Variants in MIA2 observed in about 807,000 individuals in gnomAD.
MIA2 encodes the protein MIA SH3 domain ER export factor 2, also known as melanoma inhibitory activity protein 2.
MIA2 carries 127 observed loss-of-function variants against 167.8 expected under a neutral mutation model. That is an observed-to-expected ratio of 0.76 (90% CI 0.66 to 0.88). The LOEUF is 0.88. Among genes scored for constraint, MIA2 ranks in the 40% least tolerant of loss-of-function variants. The pLI is 0.00. For missense variants in MIA2, 1,690 were observed against 1,624.7 expected, an observed-to-expected ratio of 1.04 and a Z score of -0.69; for synonymous variants, 552 against 541.9, an observed-to-expected ratio of 1.02 and a Z score of -0.26.
chr14:39,365,046 CT>C (rs539298199), intron 23 of MIA2, among the ~76,000 whole-genome samples: 135 of 150,914 alleles, frequency 8.9e-4, no homozygotes, highest in African/African-American at 3.2e-3. Context: ...TTTTCTTTTT[CT>C]TTTTTTTAAA....
exon 24 of MIA2, chr14:39,387,644 C>A (rs917109702): frequency 6.6e-6 from 1 of 152,124 alleles, no homozygotes; most frequent in Admixed American, 6.5e-5. Context: ...CCGCAGAGTT[C>A]GAGAGGATTG....
At chr14:39,281,254 T>G (rs964581957) in intron 9 of MIA2, among the ~76,000 whole-genome samples, 2 of 152,158 alleles carry the variant, frequency 1.3e-5, no homozygotes, top group Admixed American at 6.5e-5. Flanking sequence ...CTCTTGATTG[T>G]TACTTTTCCA....
At chr14:39,358,021 A>G (rs184308802) in intron 23 of MIA2, among the ~76,000 whole-genome samples, 4 of 152,180 alleles carry the variant, frequency 2.6e-5, no homozygotes, top group East Asian at 3.9e-4. Context: ...GAATCTGACA[A>G]TTATGTGTCT....
intron 24 of MIA2, among the ~76,000 whole-genome samples, chr14:39,326,337 T>C (rs2067544798): frequency 6.6e-6 from 1 of 152,208 alleles, no homozygotes; most frequent in Non-Finnish European, 1.5e-5. Flanking sequence ...TATTTATCTT[T>C]TTTATCTTCT....
downstream of MIA2, among the ~76,000 whole-genome samples, chr14:39,352,401 A>C (rs758966618): frequency 6.6e-6 from 1 of 151,470 alleles, no homozygotes; most frequent in African/African-American, 2.4e-5. Flanking sequence ...GTTGGAGTTC[A>C]CTCTCAAGTA....
Position 39,347,749 on chromosome 14 carries a change from A to T in MIA2, c.3815A>T (p.Asn1272Ile). ...SMPSEMESSR[N>I]DTKDDLGNLN... ...CCTTCAGAAATGGAATCCAGTAGAA[A>T]TGATACCAAAGATGATCTTGGTGTA... Residue 1272 changes from asparagine (N) to isoleucine (I), a missense_variant, in exon 27 of 29, where the codon AAT becomes ATT. By Grantham distance (149) the Asn-to-Ile change is moderately radical (BLOSUM62 -3). Coordinates refer to ENST00000640607, the MANE Select transcript of MIA2 (RefSeq NM_001329214.4). 1 of 1,612,716 alleles carries T rather than the reference A, an allele frequency of 6.2e-7. No homozygotes were observed. The highest frequency in any genetic ancestry group is 1.8e-4 in the Middle Eastern group (1 of 5,710).
chr14:39,328,509 C>T (rs906722351), intron 25 of MIA2, among the ~76,000 whole-genome samples: 1 of 152,110 alleles, frequency 6.6e-6, no homozygotes, highest in Non-Finnish European at 1.5e-5. Context: ...GTTGCCATTG[C>T]TTTTGTTGTT....
intron 23 of MIA2, among the ~76,000 whole-genome samples, chr14:39,359,019 A>T (rs1423575961): frequency 6.6e-6 from 1 of 152,202 alleles, no homozygotes; most frequent in Non-Finnish European, 1.5e-5. Flanking sequence ...TTGAGGAGGC[A>T]GTCTGTCTGT....
At chr14:39,288,728 T>A (rs1200935486) in intron 9 of MIA2, among the ~76,000 whole-genome samples, 1 of 151,772 alleles carries the variant, frequency 6.6e-6, no homozygotes. Flanking sequence ...CCCAAAGTGC[T>A]GGGATTACAT....
At chr14:39,266,406 C>G (rs547611437) in intron 6 of MIA2, 3 of 985,270 alleles carry the variant, frequency 3.0e-6, no homozygotes, top group Admixed American at 1.2e-4. Context: ...CTCCTCTTCT[C>G]GGAGGAAAAC....
chr14:39,280,942 AGC>A (rs2058832116), intron 9 of MIA2, among the ~76,000 whole-genome samples: 2 of 55,920 alleles, frequency 3.6e-5, no homozygotes, highest in Non-Finnish European at 2.7e-5. Flanking sequence ...TTTTTGAGAC[AGC>A]GTCTCTCTCT....
chr14:39,235,729 CATT>C (rs1426451971), intron 1 of MIA2, among the ~76,000 whole-genome samples: 1 of 151,922 alleles, frequency 6.6e-6, no homozygotes, highest in African/African-American at 2.4e-5. Flanking sequence ...AGTCAGCTAT[CATT>C]ATGCCACTGC....
At chr14:39,257,409 C>T (rs1015645905) in intron 6 of MIA2, among the ~76,000 whole-genome samples, 2 of 151,480 alleles carry the variant, frequency 1.3e-5, no homozygotes, top group African/African-American at 4.9e-5. Flanking sequence ...TTGCAACCCT[C>T]CTTTTTTTTT....
chr14:39,335,163 A>G (rs2070060216), intron 25 of MIA2, among the ~76,000 whole-genome samples: 1 of 152,180 alleles, frequency 6.6e-6, no homozygotes, highest in African/African-American at 2.4e-5. Flanking sequence ...TCTTTTATGT[A>G]AGGTTGACTT....
chr14:39,294,789 C>G, intron 12 of MIA2, 136 bp from the exon 13 acceptor site: 2 of 666,568 alleles, frequency 3.0e-6, no homozygotes, highest in South Asian at 3.7e-5. Flanking sequence ...CTTTTTTCTG[C>G]TACACCATGC....
intron 23 of MIA2, among the ~76,000 whole-genome samples, chr14:39,383,978 A>G (rs1017106577): frequency 6.6e-6 from 1 of 152,230 alleles, no homozygotes; most frequent in East Asian, 1.9e-4. Flanking sequence ...AGCTGCAGCA[A>G]GTTATCCAGA....
chr14:39,304,382 G>A lies in MIA2; in HGVS notation c.2878+1G>A, dbSNP rs1203291000. 2.6e-6 allele frequency: 4 copies of A among 1,532,088 alleles called. No homozygotes were observed. Among genetic ancestry groups the A allele is most frequent in the South Asian group, 1.3e-5 (1 of 79,384 alleles). The allele number at this position is 1,532,088 out of a possible 1,614,324, so 94.9% of individuals were successfully genotyped here. A position where few individuals can be genotyped will look rare whatever the true frequency, so the allele number is the denominator to read the frequency against. On this transcript the variant is annotated splice_donor_variant, in intron 17 of 28. Coordinates refer to ENST00000640607, the MANE Select transcript of MIA2 (RefSeq NM_001329214.4). LOFTEE classifies it high-confidence loss of function. ...GATAAAACAAAGGAAGAGCTTACAG[G>A]TAGGTCATTGACATACATACTTTTA...
chr14:39,310,798 A>G (rs2064109352), intron 18 of MIA2, among the ~76,000 whole-genome samples: 1 of 152,074 alleles, frequency 6.6e-6, no homozygotes, highest in African/African-American at 2.4e-5. Flanking sequence ...TTCAGTTCAC[A>G]GTTAAAAAGC....
intron 6 of MIA2, chr14:39,266,783 G>C (rs754564543): frequency 2.0e-5 from 20 of 982,516 alleles, no homozygotes; most frequent in Non-Finnish European, 2.1e-5. Context: ...GCTCCAGCGA[G>C]GCTGCGGAAG....
Sources: allele counts gnomAD v4.1 joint callset (sites outside exome capture counted in the v4.1 genomes callset), GRCh38; gene constraint gnomAD v4.1.1; transcripts MANE v1.5; gene names NCBI Gene and HGNC (gene_info 2026-07-23, HGNC 2026-07-21).